The following MBTD1 variants were observed in gnomAD, a reference collection of about 807,000 sequenced individuals.
MBTD1 encodes mbt domain containing 1.
A neutral mutation model predicts 87.8 loss-of-function variants in MBTD1; 24 were observed. The ratio of observed to expected loss-of-function variants is 0.27; its 90% CI spans 0.20 to 0.38. The LOEUF (loss-of-function observed/expected upper bound fraction) is 0.38. MBTD1 is among the 10% of genes least tolerant of loss of function. The pLI, the probability that MBTD1 is intolerant of heterozygous loss-of-function variation, is 1.00. For synonymous variants in MBTD1, 237 were observed against 248.6 expected (o/e 0.95, Z 0.44); for missense variants, 436 against 760.2 (o/e 0.57, Z 5.02).
intron 16 of MBTD1, among the ~76,000 whole-genome samples, chr17:51,188,596 A>T (rs2050652169): frequency 6.6e-6 from 1 of 152,168 alleles, no homozygotes; most frequent in African/African-American, 2.4e-5. Flanking sequence ...CTAAACCCCA[A>T]ATACTTATTT....
At chr17:51,181,112 C>T (rs955116587) in intron 16 of MBTD1, among the ~76,000 whole-genome samples, 1 of 150,734 alleles carries the variant, frequency 6.6e-6, no homozygotes, top group Non-Finnish European at 1.5e-5. Context: ...ACCTCCGCTT[C>T]CCGGTTCAAG....
rs558861462 is a variant in MBTD1, at chr17:51,218,346, T to C, written c.403+584A>G. 2.5e-3 allele frequency among the ~76,000 whole-genome samples: 384 copies of C among 152,090 alleles called. 3 individuals carry two copies. The highest frequency in any genetic ancestry group is 4.1e-3 in the Non-Finnish European group (280 of 67,988). On this transcript the variant is annotated intron_variant, in intron 5 of 16. Coordinates refer to ENST00000586178, the MANE Select transcript of MBTD1 (RefSeq NM_017643.3). ...GAGTTCTAGACCAGCCTGGCCAACA[T>C]GGTGAAACCCTATCTCTACTAAAAA...
intron 3 of MBTD1, among the ~76,000 whole-genome samples, chr17:51,224,516 T>C (rs1261850826): frequency 1.3e-5 from 2 of 152,174 alleles, no homozygotes; most frequent in African/African-American, 4.8e-5. Flanking sequence ...TTCTAGTAAT[T>C]TGAGATACTA....
intron 2 of MBTD1, chr17:51,256,166 C>G (rs950722792): frequency 6.6e-6 from 1 of 152,200 alleles, no homozygotes; most frequent in African/African-American, 2.4e-5. Context: ...CTTGTCTCAT[C>G]TTTTATAGCA....
At chr17:51,207,386 C>A (rs944685947) in intron 6 of MBTD1, among the ~76,000 whole-genome samples, 3 of 152,046 alleles carry the variant, frequency 2.0e-5, no homozygotes, top group East Asian at 1.9e-4. Flanking sequence ...AAAGATCTGG[C>A]CTAAGAGCAG....
chr17:51,197,038 C>A (rs2051152401), intron 12 of MBTD1, among the ~76,000 whole-genome samples: 1 of 103,150 alleles, frequency 9.7e-6, no homozygotes, highest in Non-Finnish European at 2.1e-5. Flanking sequence ...ATTATATATA[C>A]AAGATATATA....
intron 12 of MBTD1, among the ~76,000 whole-genome samples, chr17:51,200,727 G>C (rs1038791285): frequency 6.6e-6 from 1 of 151,910 alleles, no homozygotes; most frequent in Non-Finnish European, 1.5e-5. Flanking sequence ...AGCCGGGCGT[G>C]GTGGCATGCA....
intron 6 of MBTD1, among the ~76,000 whole-genome samples, chr17:51,212,626 C>T (rs1598347747): frequency 7.3e-6 from 1 of 136,440 alleles, no homozygotes; most frequent in African/African-American, 2.8e-5. Flanking sequence ...TACATTTATA[C>T]ATTTTAGCCC....
At chr17:51,210,349 G>T (rs1052932316) in intron 6 of MBTD1, among the ~76,000 whole-genome samples, 1 of 152,186 alleles carries the variant, frequency 6.6e-6, no homozygotes, top group African/African-American at 2.4e-5. Context: ...GTAGCAGGCA[G>T]ATGGGGAGTC....
intron 4 of MBTD1, 72 bp downstream of exon 4, chr17:51,220,258 A>G (rs1239858110): frequency 2.1e-6 from 3 of 1,399,606 alleles, no homozygotes; most frequent in African/African-American, 1.4e-5. Flanking sequence ...AGTGAATCAC[A>G]GTCAAATGAC....
intron 2 of MBTD1, among the ~76,000 whole-genome samples, chr17:51,252,780 A>G (rs1293287757): frequency 6.6e-6 from 1 of 152,016 alleles, no homozygotes; most frequent in African/African-American, 2.4e-5. Context: ...ACTGCAAATC[A>G]TATTAGATGA....
intron 1 of MBTD1, 62 bp from the exon 2 acceptor site, chr17:51,259,268 T>C (rs2055296983): frequency 5.7e-6 from 7 of 1,231,772 alleles, no homozygotes; most frequent in Non-Finnish European, 7.1e-6. Flanking sequence ...GTCCACCGAC[T>C]TGAAACCCTT....
At chr17:51,245,616 A>G (rs1409609170) in intron 2 of MBTD1, among the ~76,000 whole-genome samples, 1 of 151,838 alleles carries the variant, frequency 6.6e-6, no homozygotes, top group African/African-American at 2.4e-5. Flanking sequence ...TCCTTTATCA[A>G]AATGTCCATC....
chr17:51,192,222 T>C lies in MBTD1; in HGVS notation c.1749A>G (p.Gln583=). The C allele has an allele frequency of 6.4e-7, 1 of 1,551,334 alleles. No individual in the cohort carries two copies. The highest frequency in any genetic ancestry group is 1.2e-5 in the South Asian group (1 of 84,050). ...ACCCACTTTTCTTATGTCCTTTGTATTGCTGGGACTTAGCCTTTTTCTTCT... is the reference window on the plus strand; with the variant it reads ...ACCCACTTTTCTTATGTCCTTTGTACTGCTGGGACTTAGCCTTTTTCTTCT... The part of the protein sequence containing the change: ...SKQKKKAKSQ[Q]YKGHKKMTTL... Residue 583 remains glutamine, a synonymous_variant, in exon 16 of 17, where the codon CAA becomes CAG. Transcript: ENST00000586178.
At chr17:51,205,146 T>C (rs2051745208) in intron 7 of MBTD1, among the ~76,000 whole-genome samples, 1 of 152,202 alleles carries the variant, frequency 6.6e-6, no homozygotes, top group Non-Finnish European at 1.5e-5. Context: ...GTATTTCAGG[T>C]TAGGAGACAA....
chr17:51,238,468 G>A (rs567760305), intron 2 of MBTD1, among the ~76,000 whole-genome samples: 1 of 152,330 alleles, frequency 6.6e-6, no homozygotes, highest in African/African-American at 2.4e-5. Flanking sequence ...GAGGTAACGA[G>A]AGTTTCTAAA....
At chr17:51,210,757 AAACAAC>A (rs71149353) in intron 6 of MBTD1, among the ~76,000 whole-genome samples, 45,343 of 149,490 alleles carry the variant, frequency 0.3, 7,969 homozygotes, top group East Asian at 0.51. Context: ...CTCTGTCTCA[AAACAAC>A]AACAACAACA....
chr17:51,201,649 T>A lies in MBTD1; in HGVS notation c.1167A>T (p.Lys389Asn). The change falls in exon 12 of 17, where the codon AAA (lysine) becomes AAT (asparagine). Residue 389 changes from lysine to asparagine, a missense_variant. By Grantham distance (94) the Lys-to-Asn change is moderately conservative. Transcript: ENST00000586178. ...QSGEWFKEGM[K>N]LEAIDPLNLS... is the part of the protein sequence containing the mutation. ...GATTTAATGGGTCTATAGCTTCCAA[T>A]TTCATTCCTTCCTTGAACCATTCCC... 6.2e-7 allele frequency: 1 copy of A among 1,612,424 alleles called. No homozygotes were observed. Among genetic ancestry groups the A allele is most frequent in the Non-Finnish European group, 8.5e-7 (1 of 1,179,038 alleles).
intron 2 of MBTD1, among the ~76,000 whole-genome samples, chr17:51,254,278 G>T (rs1294903086): frequency 1.3e-5 from 2 of 152,110 alleles, no homozygotes; most frequent in African/African-American, 2.4e-5. Context: ...GCACATTCTG[G>T]TATAGTGATA....
Sources: gnomAD v4.1 joint callset for allele counts (sites outside exome capture counted in the v4.1 genomes callset) on GRCh38, gnomAD v4.1.1 for gene constraint, MANE v1.5 for transcripts, NCBI Gene and HGNC (gene_info 2026-07-23, HGNC 2026-07-21) for gene names.